The following TP63 variants were observed in gnomAD, a reference collection of about 807,000 sequenced individuals.
TP63 encodes tumor protein 63.
Under a neutral mutation model 82.8 loss-of-function variants are expected in TP63, and 17 were observed. The observed-to-expected ratio is 0.21, with a 90% CI of 0.14 to 0.31. TP63 has a LOEUF of 0.31. Among genes scored for constraint, TP63 ranks in the 10% least tolerant of loss-of-function variants. The probability of loss-of-function intolerance (pLI) is 1.00; values close to 1 mark genes in which losing one functional copy is unlikely to be tolerated. For missense variants in TP63, 648 were observed against 895.3 expected (o/e 0.72, Z 3.52); for synonymous variants, 330 against 321.7 (o/e 1.03, Z -0.28).
intron 3 of TP63, among the ~76,000 whole-genome samples, chr3:189,788,883 A>C (rs570005828): frequency 7.0e-4 from 106 of 152,046 alleles, no homozygotes; most frequent in African/African-American, 2.5e-3. Flanking sequence ...TATTAGTATA[A>C]ACTGGGTACA....
intron 1 of TP63, among the ~76,000 whole-genome samples, chr3:189,711,087 G>A (rs1718562374): frequency 1.3e-5 from 2 of 152,164 alleles, no homozygotes; most frequent in Non-Finnish European, 2.9e-5. Flanking sequence ...CCATGTCTAA[G>A]GCAATATGGT....
intron 6 of TP63, 32 bp from the exon 7 acceptor site, chr3:189,867,801 G>A: frequency 1.9e-6 from 3 of 1,593,192 alleles, no homozygotes; most frequent in Admixed American, 1.7e-5. Context: ...TTAAACCCTT[G>A]TTAACACAGA....
intron 3 of TP63, among the ~76,000 whole-genome samples, chr3:189,794,809 T>A (rs1725526779): frequency 6.6e-6 from 1 of 152,048 alleles, no homozygotes; most frequent in Admixed American, 6.6e-5. Context: ...CCTAGAAGTA[T>A]GAAAATGCAT....
intron 1 of TP63, among the ~76,000 whole-genome samples, chr3:189,644,371 T>C (rs889794207): frequency 2.6e-5 from 4 of 152,078 alleles, no homozygotes; most frequent in Admixed American, 1.3e-4. Flanking sequence ...TTCTTCAAAG[T>C]TTGTCTTAAT....
intron 1 of TP63, among the ~76,000 whole-genome samples, chr3:189,643,889 G>A (rs987115124): frequency 1.3e-5 from 2 of 152,052 alleles, no homozygotes; most frequent in African/African-American, 2.4e-5. Flanking sequence ...ATAATTTCAC[G>A]TTTTCTGAAA....
intron 5 of TP63, among the ~76,000 whole-genome samples, chr3:189,865,005 T>A (rs1243737204): frequency 1.4e-5 from 2 of 145,890 alleles, no homozygotes; most frequent in East Asian, 3.9e-4. Context: ...AGACTCCATC[T>A]CAAAAATAAA....
chr3:189,678,312 C>G (rs1484382327), intron 1 of TP63, among the ~76,000 whole-genome samples: 1 of 152,062 alleles, frequency 6.6e-6, no homozygotes, highest in African/African-American at 2.4e-5. Context: ...CTGCATATGG[C>G]TATACAATTT....
intron 4 of TP63, among the ~76,000 whole-genome samples, chr3:189,848,197 C>T (rs972783335): frequency 4.7e-5 from 7 of 147,944 alleles, no homozygotes; most frequent in African/African-American, 1.5e-4. Flanking sequence ...TCTAACTTTT[C>T]CTTTTCCTTT....
chr3:189,666,990 C>G (rs1420495186), intron 1 of TP63, among the ~76,000 whole-genome samples: 2 of 149,462 alleles, frequency 1.3e-5, no homozygotes, highest in Non-Finnish European at 3.0e-5. Context: ...ACTTTTCAGG[C>G]CTTGAACAAA....
chr3:189,825,997 G>A (rs77904912), intron 4 of TP63, among the ~76,000 whole-genome samples: 4,296 of 152,150 alleles, frequency 0.028, 92 homozygotes, highest in Non-Finnish European at 0.045. Flanking sequence ...GAAGAAGGAC[G>A]TGAGCTACAT....
At chr3:189,610,382 A>G in the TP63 span, among the ~76,000 whole-genome samples, 2 of 152,198 alleles carry the variant, frequency 1.3e-5, no homozygotes, top group Admixed American at 1.3e-4. Flanking sequence ...GCTGCTTAGA[A>G]ATTTCTTCTG....
At chr3:189,877,564 A>G (rs952485521) in intron 10 of TP63, among the ~76,000 whole-genome samples, 1 of 152,344 alleles carries the variant, frequency 6.6e-6, no homozygotes, top group African/African-American at 2.4e-5. Flanking sequence ...TTTAAATGAT[A>G]AAACAGATCT....
At chr3:189,807,149 A>T (rs1173712175) in intron 3 of TP63, among the ~76,000 whole-genome samples, 2 of 152,234 alleles carry the variant, frequency 1.3e-5, no homozygotes, top group African/African-American at 2.4e-5. Context: ...AAGGAAAAGC[A>T]ACTGTACCAT....
chr3:189,722,989 A>G (rs1428870944), intron 1 of TP63, among the ~76,000 whole-genome samples: 1 of 152,194 alleles, frequency 6.6e-6, no homozygotes, highest in Non-Finnish European at 1.5e-5. Context: ...GTTTGTTTAA[A>G]GTGCAGATTT....
At chr3:189,782,646 A>G (rs1724312157) in intron 3 of TP63, among the ~76,000 whole-genome samples, 1 of 152,198 alleles carries the variant, frequency 6.6e-6, no homozygotes, top group Non-Finnish European at 1.5e-5. Flanking sequence ...GTTAAATATT[A>G]TAATGTAAGG....
rs900347079 is a variant in TP63, at chr3:189,857,362, C to G, written c.580-6870C>G. On this transcript the variant is annotated intron_variant, in intron 4 of 13. Transcript: ENST00000264731. ...AGAATTATAAACCCTTAACTCACACCATATACAACAATTGACTGAAAATAT... is the reference window on the plus strand; with the variant it reads ...AGAATTATAAACCCTTAACTCACACGATATACAACAATTGACTGAAAATAT... Among the ~76,000 whole-genome samples the G allele has an allele frequency of 5.3e-5, 8 of 152,068 alleles. No homozygotes were observed. The South Asian group carries it at 6.2e-4, about 12-fold the overall frequency.
At chr3:189,880,722 C>G in intron 10 of TP63, 1 of 985,412 alleles carries the variant, frequency 1.0e-6, no homozygotes, top group African/African-American at 1.7e-5. Context: ...ACGAAGGTGT[C>G]AAGTGTACTG....
chr3:189,729,150 G>A (rs1577314653), intron 1 of TP63, among the ~76,000 whole-genome samples: 1 of 152,134 alleles, frequency 6.6e-6, no homozygotes, highest in East Asian at 1.9e-4. Flanking sequence ...TAGTGGGATG[G>A]GGAGCATGAG....
the TP63 span, among the ~76,000 whole-genome samples, chr3:189,601,835 C>T: frequency 1.3e-4 from 20 of 152,192 alleles, no homozygotes; most frequent in Non-Finnish European, 2.9e-5. Flanking sequence ...CCATCTCACA[C>T]TACCAACGTA....
Sources: allele counts gnomAD v4.1 joint callset (sites outside exome capture counted in the v4.1 genomes callset), GRCh38; gene constraint gnomAD v4.1.1; transcripts MANE v1.5; gene names NCBI Gene and HGNC (gene_info 2026-07-23, HGNC 2026-07-21).